Variants in RGS10 observed in about 807,000 individuals in gnomAD.
RGS10 encodes the protein regulator of G protein signaling 10, also known as regulator of G-protein signalling 10.
In RGS10, 11 loss-of-function variants were observed where a neutral mutation model predicts 23.5. That is an observed-to-expected ratio of 0.47 (90% CI 0.29 to 0.77). The LOEUF is 0.77. RGS10 is among the 30% of genes least tolerant of loss of function. RGS10 has a pLI of 0.08. For missense variants in RGS10, 180 were observed against 226.3 expected, an observed-to-expected ratio of 0.80 and a Z score of 1.31; for synonymous variants, 77 against 83.2, an observed-to-expected ratio of 0.92 and a Z score of 0.41.
rs959805831 is a variant in RGS10, at chr10:119,524,045, T to C, written c.255+1987A>G. Among the ~76,000 whole-genome samples, 2 of 152,088 alleles carry C rather than the reference T, an allele frequency of 1.3e-5. No homozygotes were observed. The highest frequency in any genetic ancestry group is 2.9e-5 in the Non-Finnish European group (2 of 68,014). On this transcript the variant is annotated intron_variant, in intron 3 of 4. Coordinates refer to ENST00000369103, the MANE Select transcript of RGS10 (RefSeq NM_001005339.2). The surrounding 1 kb of genome is among the most constrained non-coding windows in gnomAD (Gnocchi z 5.2). ...CCTGCTCCCGGGAACCCCCTCCCAA[T>C]CTCAATGCCAAGTCTCAGCTAAAAA...
intron 3 of RGS10, among the ~76,000 whole-genome samples, chr10:119,522,733 AAAC>A (rs1844232279): frequency 6.6e-6 from 1 of 151,736 alleles, no homozygotes; most frequent in Non-Finnish European, 1.5e-5. Context: ...AAAAAAAAAA[AAAC>A]AAAGACATTC....
chr10:119,519,315 C>G (rs1320794700), intron 3 of RGS10, among the ~76,000 whole-genome samples: 1 of 151,282 alleles, frequency 6.6e-6, no homozygotes, highest in Non-Finnish European at 1.5e-5. Context: ...TGTCCCCCAG[C>G]TCCTGTCTCC....
At chr10:119,511,128 T>G (rs1564709739) in intron 4 of RGS10, among the ~76,000 whole-genome samples, 1 of 152,120 alleles carries the variant, frequency 6.6e-6, no homozygotes, top group Non-Finnish European at 1.5e-5. Context: ...CAACTTAAAT[T>G]TGTCCAACGG....
At chr10:119,506,045 C>T (rs763798506) in intron 4 of RGS10, among the ~76,000 whole-genome samples, 2 of 152,210 alleles carry the variant, frequency 1.3e-5, no homozygotes, top group Non-Finnish European at 2.9e-5. Flanking sequence ...CTCTAGAATG[C>T]GTCCTCTCTT....
In RGS10 at chr10:119,524,182, G is replaced by A. The variant is rs779912876; in HGVS notation, c.255+1850C>T. On this transcript the variant is annotated intron_variant, in intron 3 of 4. Transcript: ENST00000369103. The surrounding 1 kb of genome is among the most constrained non-coding windows in gnomAD (Gnocchi z 5.2). ...CAGGCTTGCTCCCCTTGAGGTGCCC[G>A]TTCCCTGGAGCCGCTCACCTGTCCT... 3.0e-4 allele frequency among the ~76,000 whole-genome samples: 45 copies of A among 152,290 alleles called. No homozygotes were observed. The highest frequency in any genetic ancestry group is 3.4e-3 in the Middle Eastern group (1 of 294).
intron 1 of RGS10, among the ~76,000 whole-genome samples, chr10:119,541,877 T>C (rs1379118582): frequency 6.6e-6 from 1 of 152,190 alleles, no homozygotes; most frequent in Non-Finnish European, 1.5e-5. Flanking sequence ...GCACAGGTCG[T>C]AGCTATTGTG....
intron 4 of RGS10, among the ~76,000 whole-genome samples, chr10:119,512,795 G>T (rs11198983): frequency 0.044 from 6,709 of 152,278 alleles, 275 homozygotes; most frequent in East Asian, 0.22. Context: ...TGATCCACAC[G>T]CCTTGGCCTC....
intron 1 of RGS10, among the ~76,000 whole-genome samples, chr10:119,530,994 T>C (rs1223542944): frequency 6.6e-5 from 10 of 152,238 alleles, no homozygotes; most frequent in African/African-American, 2.4e-4. Context: ...TTTTCTAAAG[T>C]GACCCTCCAG....
At position 119,536,193 on chromosome 10, in the gene RGS10, A is replaced by G. The variant is rs566257984; in HGVS notation, c.49+6397T>C. On this transcript the variant is annotated intron_variant, in intron 1 of 4. Coordinates refer to ENST00000369103, the MANE Select transcript of RGS10 (RefSeq NM_001005339.2). Reference sequence around the variant, plus strand: ...GCAGGAAATAACATCAAAAGTGAAAAAAGTTTTTCAATAATCATAGTAATA... The same window carrying G: ...GCAGGAAATAACATCAAAAGTGAAAGAAGTTTTTCAATAATCATAGTAATA... Among the ~76,000 whole-genome samples the G allele has an allele frequency of 8.1e-4, 124 of 152,334 alleles. 1 individual carries two copies. Among genetic ancestry groups the G allele is most frequent in the Non-Finnish European group, 1.5e-3 (104 of 68,038 alleles).
At chr10:119,528,545 C>A (rs1316518875) in intron 1 of RGS10, among the ~76,000 whole-genome samples, 2 of 151,978 alleles carry the variant, frequency 1.3e-5, no homozygotes, top group Non-Finnish European at 2.9e-5. Flanking sequence ...TAATTTTGAT[C>A]TTTTAAAACA....
intron 4 of RGS10, among the ~76,000 whole-genome samples, chr10:119,511,221 T>A (rs1304443746): frequency 1.3e-5 from 2 of 152,182 alleles, no homozygotes; most frequent in Non-Finnish European, 2.9e-5. Flanking sequence ...TCCAAAGGGC[T>A]GGGCACACCA....
chr10:119,527,410 C>G lies in RGS10; in HGVS notation c.64G>C (p.Asp22His), dbSNP rs765617830. The stretch of plus-strand genomic sequence containing the variant: ...TGGTGGCTGCTGCTGGAACTGCCAT[C>G]GCTGTCGTGGATGTCTGCAAAGCAA... ...KRPPSDIHDS[D>H]GSSSSSHQSL... Residue 22 changes from aspartate (D) to histidine (H), a missense_variant, in exon 2 of 5, where the codon GAT (aspartate) becomes CAT (histidine). Coordinates refer to ENST00000369103, the MANE Select transcript of RGS10 (RefSeq NM_001005339.2). This position sits in a 1 kb window ranked among gnomAD's most constrained non-coding sequence, Gnocchi z 4.2. 1 of 1,614,128 alleles carries G rather than the reference C, an allele frequency of 6.2e-7. No individual in the cohort carries two copies. Among genetic ancestry groups the G allele is most frequent in the Admixed American group, 1.7e-5 (1 of 60,030 alleles).
intron 3 of RGS10, among the ~76,000 whole-genome samples, chr10:119,525,031 GC>G (rs59749320): frequency 0.042 from 6,400 of 152,262 alleles, 353 homozygotes; most frequent in East Asian, 0.13. Flanking sequence ...AGCCGCATCT[GC>G]CCATGGGTAT....
chr10:119,503,659 A>AG (rs1353985698), intron 4 of RGS10, among the ~76,000 whole-genome samples: 1 of 152,190 alleles, frequency 6.6e-6, no homozygotes, highest in Non-Finnish European at 1.5e-5. Flanking sequence ...CGAGGGGCTT[A>AG]GGGGTTCCTC....
intron 3 of RGS10, among the ~76,000 whole-genome samples, chr10:119,516,131 AATCTC>A (rs995359191): frequency 6.6e-6 from 1 of 152,062 alleles, no homozygotes; most frequent in African/African-American, 2.4e-5. Context: ...GCAAACCTGT[AATCTC>A]AGCTACTCAG....
intron 4 of RGS10, among the ~76,000 whole-genome samples, chr10:119,503,025 G>A (rs563019251): frequency 3.9e-5 from 6 of 152,198 alleles, no homozygotes; most frequent in Non-Finnish European, 8.8e-5. Context: ...TGGCTCAGGA[G>A]CACACAGCAA....
intron 4 of RGS10, among the ~76,000 whole-genome samples, chr10:119,503,014 C>T (rs1175138388): frequency 1.3e-5 from 2 of 152,190 alleles, no homozygotes; most frequent in African/African-American, 4.8e-5. Context: ...CCCCCTGGGC[C>T]TGGCTCAGGA....
At chr10:119,518,606 T>C (rs1844172674) in intron 3 of RGS10, among the ~76,000 whole-genome samples, 1 of 152,056 alleles carries the variant, frequency 6.6e-6, no homozygotes, top group Non-Finnish European at 1.5e-5. Flanking sequence ...CTTCCCACAC[T>C]GGCCCCGCCC....
chr10:119,533,358 A>G (rs1376784424), intron 1 of RGS10, among the ~76,000 whole-genome samples: 3 of 152,164 alleles, frequency 2.0e-5, no homozygotes, highest in Non-Finnish European at 4.4e-5. Flanking sequence ...AAAAAAAAAG[A>G]AAAAAATGTT....
Sources: gnomAD v4.1 joint callset for allele counts (sites outside exome capture counted in the v4.1 genomes callset) on GRCh38, gnomAD v4.1.1 for gene constraint, Gnocchi (gnomAD v3.1) non-coding constraint, MANE v1.5 for transcripts, NCBI Gene and HGNC (gene_info 2026-07-23, HGNC 2026-07-21) for gene names.